Variants in CCDC192 observed in about 807,000 individuals in gnomAD.
CCDC192 encodes the protein coiled-coil domain containing 192, also known as coiled-coil domain-containing protein 192.
intron 2 of CCDC192, among the ~76,000 whole-genome samples, chr5:127,721,465 T>G (rs188396126): frequency 3.9e-5 from 6 of 152,310 alleles, no homozygotes; most frequent in Admixed American, 3.9e-4. Flanking sequence ...ATTGTCTATA[T>G]CACTATCAGG....
chr5:127,875,471 C>G lies in CCDC192; in HGVS notation c.412-67C>G, dbSNP rs180687134. ...AGGCAGTGTTTGTTCAGACATCATT[C>G]ATTCCTTTTATTTCTTTGATGCGTC... On this transcript the variant is annotated intron_variant, in intron 5 of 6. Transcript: ENST00000514853. 3 of 395,710 alleles carry G rather than the reference C, an allele frequency of 7.6e-6. No homozygotes were observed. In the Admixed American group the frequency reaches 1.3e-4, roughly 18 times the overall value. 24.5% of individuals were successfully genotyped at this position (395,710 alleles called of 1,614,324 possible). A position where few individuals can be genotyped will look rare whatever the true frequency, so the allele number is the denominator to read the frequency against.
At chr5:127,779,727 T>C (rs1011802421) in intron 3 of CCDC192, among the ~76,000 whole-genome samples, 1 of 152,200 alleles carries the variant, frequency 6.6e-6, no homozygotes, top group East Asian at 1.9e-4. Flanking sequence ...GTTCTTTTTT[T>C]AAAAAATGTT....
intron 2 of CCDC192, among the ~76,000 whole-genome samples, chr5:127,745,701 T>C (rs1177366876): frequency 2.6e-5 from 4 of 152,214 alleles, no homozygotes; most frequent in Admixed American, 6.5e-5. Flanking sequence ...CAAACACCTA[T>C]ATATTGCCTA....
chr5:127,875,898 A>G (rs1353362904), intron 6 of CCDC192, among the ~76,000 whole-genome samples: 1 of 151,920 alleles, frequency 6.6e-6, no homozygotes, highest in Non-Finnish European at 1.5e-5. Flanking sequence ...CTGAAGAGCT[A>G]GACTGAAATA....
intron 5 of CCDC192, among the ~76,000 whole-genome samples, chr5:127,844,600 C>A (rs1054670201): frequency 6.6e-6 from 1 of 152,212 alleles, no homozygotes; most frequent in Admixed American, 6.5e-5. Context: ...TCATCCAGCA[C>A]TAGGCTGGAT....
At chr5:127,880,783 C>T (rs950629903) in intron 6 of CCDC192, among the ~76,000 whole-genome samples, 43 of 152,010 alleles carry the variant, frequency 2.8e-4, no homozygotes, top group Middle Eastern at 3.4e-3. Context: ...AGTTCGAGAC[C>T]AGCCTGGCTA....
At chr5:127,730,553 G>T (rs745788649) in intron 2 of CCDC192, among the ~76,000 whole-genome samples, 11 of 152,108 alleles carry the variant, frequency 7.2e-5, no homozygotes, top group Non-Finnish European at 1.2e-4. Flanking sequence ...ACCAAAACCT[G>T]GCAGAGATAC....
At chr5:127,821,192 G>C (rs1034860355) in intron 5 of CCDC192, among the ~76,000 whole-genome samples, 6 of 152,192 alleles carry the variant, frequency 3.9e-5, no homozygotes, top group Admixed American at 6.5e-5. Context: ...TGGTTTAAAT[G>C]CATCCTTTCG....
chr5:127,717,355 C>T (rs552719851), intron 2 of CCDC192, among the ~76,000 whole-genome samples: 44 of 152,214 alleles, frequency 2.9e-4, no homozygotes, highest in African/African-American at 1.0e-3. Flanking sequence ...CTCTCCTGTT[C>T]CCATTCTGTT....
At chr5:127,822,179 C>T (rs1156853324) in intron 5 of CCDC192, among the ~76,000 whole-genome samples, 1 of 152,160 alleles carries the variant, frequency 6.6e-6, no homozygotes, top group South Asian at 2.1e-4. Context: ...CTTCTCAGAG[C>T]GAAGGGCCTT....
At chr5:127,887,628 G>A (rs1344545480) in intron 6 of CCDC192, among the ~76,000 whole-genome samples, 2 of 151,656 alleles carry the variant, frequency 1.3e-5, no homozygotes, top group Non-Finnish European at 2.9e-5. Flanking sequence ...TTTTTGTAAG[G>A]TTTTGCCACA....
chr5:127,789,690 G>T (rs34347180), intron 3 of CCDC192, among the ~76,000 whole-genome samples: 48,015 of 152,156 alleles, frequency 0.32, 8,373 homozygotes, highest in Middle Eastern at 0.4. Context: ...GAAGGTGGGG[G>T]AAAATGAAGA....
chr5:127,791,691 G>A (rs1378756137), intron 3 of CCDC192, among the ~76,000 whole-genome samples: 2 of 152,214 alleles, frequency 1.3e-5, no homozygotes, highest in Non-Finnish European at 2.9e-5. Flanking sequence ...TAAACAAATG[G>A]ATGATTGCAG....
intron 6 of CCDC192, among the ~76,000 whole-genome samples, chr5:127,919,073 A>ATATG (rs1476070529): frequency 2.2e-5 from 3 of 137,310 alleles, no homozygotes; most frequent in African/African-American, 7.9e-5. Flanking sequence ...GTGTGTATAT[A>ATATG]TGTGTGTGTG....
intron 3 of CCDC192, among the ~76,000 whole-genome samples, chr5:127,782,516 G>A (rs185864949): frequency 6.6e-6 from 1 of 151,862 alleles, no homozygotes; most frequent in African/African-American, 2.4e-5. Context: ...TCTGTTTAGG[G>A]TATCTAATTC....
At chr5:127,780,827 A>G (rs1756173312) in intron 3 of CCDC192, among the ~76,000 whole-genome samples, 1 of 152,158 alleles carries the variant, frequency 6.6e-6, no homozygotes, top group African/African-American at 2.4e-5. Context: ...CTTTAGTTTA[A>G]TTAAGTCCCA....
At chr5:127,712,104 G>A (rs548616781) in intron 2 of CCDC192, among the ~76,000 whole-genome samples, 7 of 152,112 alleles carry the variant, frequency 4.6e-5, no homozygotes, top group African/African-American at 1.7e-4. Context: ...CATACAGAAT[G>A]TACCCTTTTT....
chr5:127,753,461 G>C (rs1754363449), intron 2 of CCDC192, among the ~76,000 whole-genome samples: 1 of 152,114 alleles, frequency 6.6e-6, no homozygotes, highest in Non-Finnish European at 1.5e-5. Context: ...ACTTTGGGAG[G>C]CTGAGGCGGG....
At chr5:127,929,517 G>A (rs1188880465) in intron 6 of CCDC192, among the ~76,000 whole-genome samples, 1 of 152,226 alleles carries the variant, frequency 6.6e-6, no homozygotes, top group African/African-American at 2.4e-5. Flanking sequence ...CAAGTGTCCT[G>A]TCATCAGGAA....
Sources: gnomAD v4.1 joint callset for allele counts (sites outside exome capture counted in the v4.1 genomes callset) on GRCh38, gnomAD v4.1.1 for gene constraint, MANE v1.5 for transcripts, NCBI Gene and HGNC (gene_info 2026-07-23, HGNC 2026-07-21) for gene names.